Variants in FILIP1L observed in about 807,000 individuals in gnomAD.
The protein encoded by FILIP1L is filamin A interacting protein 1 like.
Under a neutral mutation model 96.6 loss-of-function variants are expected in FILIP1L, and 55 were observed. The ratio of observed to expected loss-of-function variants is 0.57; its 90% CI spans 0.46 to 0.71. The LOEUF is 0.71. FILIP1L is among the 30% of genes least tolerant of loss of function. The pLI is 0.00. For synonymous variants in FILIP1L, 467 were observed against 473.9 expected, an observed-to-expected ratio of 0.99 and a Z score of 0.19; for missense variants, 1,304 against 1,321.2, an observed-to-expected ratio of 0.99 and a Z score of 0.20.
At chr3:100,033,297 T>C (rs1213913121) in intron 1 of FILIP1L, among the ~76,000 whole-genome samples, 1 of 152,176 alleles carries the variant, frequency 6.6e-6, no homozygotes, top group Non-Finnish European at 1.5e-5. Context: ...TGTCTGAACT[T>C]GCCCTCAAAG....
chr3:100,088,388 A>C (rs1255718615), intron 1 of FILIP1L, among the ~76,000 whole-genome samples: 2 of 152,128 alleles, frequency 1.3e-5, no homozygotes, highest in Non-Finnish European at 2.9e-5. Flanking sequence ...AATGCAAATG[A>C]GTAAGTTATT....
intron 1 of FILIP1L, among the ~76,000 whole-genome samples, chr3:100,067,020 C>G (rs2065677564): frequency 6.6e-6 from 1 of 152,176 alleles, no homozygotes; most frequent in African/African-American, 2.4e-5. Context: ...ATTCCTCAGT[C>G]AAGTGTGCTT....
chr3:99,978,435 A>G (rs1401579817), intron 1 of FILIP1L, among the ~76,000 whole-genome samples: 1 of 152,254 alleles, frequency 6.6e-6, no homozygotes, highest in Admixed American at 6.5e-5. Flanking sequence ...TATCTACACA[A>G]TGGAATACTA....
intron 1 of FILIP1L, among the ~76,000 whole-genome samples, chr3:100,097,639 A>G (rs886915241): frequency 6.6e-6 from 1 of 152,212 alleles, no homozygotes; most frequent in African/African-American, 2.4e-5. Flanking sequence ...TTTTAAAGCC[A>G]TGTATTTGTG....
intron 4 of FILIP1L, among the ~76,000 whole-genome samples, chr3:99,915,726 A>G (rs1706930622): frequency 6.6e-6 from 1 of 152,166 alleles, no homozygotes; most frequent in Non-Finnish European, 1.5e-5. Flanking sequence ...ACACTAAAGG[A>G]AATAGGATAC....
intron 4 of FILIP1L, among the ~76,000 whole-genome samples, chr3:99,889,709 T>C (rs769895647): frequency 6.6e-6 from 1 of 152,058 alleles, no homozygotes; most frequent in African/African-American, 2.4e-5. Context: ...ATACATACTG[T>C]ATTCCTATTC....
chr3:99,861,605 A>G (rs1944258907), intron 4 of FILIP1L, among the ~76,000 whole-genome samples: 1 of 152,106 alleles, frequency 6.6e-6, no homozygotes, highest in African/African-American at 2.4e-5. Context: ...TGTTTGCCCA[A>G]GGTAGCCTTC....
intron 1 of FILIP1L, among the ~76,000 whole-genome samples, chr3:100,038,008 G>A (rs548582592): frequency 7.4e-5 from 11 of 149,218 alleles, no homozygotes; most frequent in Admixed American, 2.0e-4. Flanking sequence ...CAGGTGGAGT[G>A]CAGTGGCACA....
At chr3:100,070,545 A>G (rs968183085) in intron 1 of FILIP1L, among the ~76,000 whole-genome samples, 2 of 152,244 alleles carry the variant, frequency 1.3e-5, no homozygotes, top group African/African-American at 4.8e-5. Context: ...AAGTGGATGT[A>G]TGGGGTTGTA....
chr3:100,019,395 C>G (rs558588864), intron 1 of FILIP1L, among the ~76,000 whole-genome samples: 2 of 152,164 alleles, frequency 1.3e-5, no homozygotes, highest in South Asian at 4.1e-4. Context: ...AGTAACCTCT[C>G]AAACCTTACC....
chr3:99,884,936 T>A (rs1021102), intron 4 of FILIP1L, among the ~76,000 whole-genome samples: 40,345 of 152,104 alleles, frequency 0.27, 6,065 homozygotes, highest in Admixed American at 0.34. Flanking sequence ...TGACCACAAA[T>A]ATTATTTGCT....
chr3:99,894,937 A>C (rs981446425), intron 4 of FILIP1L, among the ~76,000 whole-genome samples: 2 of 152,202 alleles, frequency 1.3e-5, no homozygotes, highest in African/African-American at 2.4e-5. Context: ...TATGTGTTAC[A>C]CGAAACATGA....
At chr3:99,888,715 G>A (rs552276256) in intron 4 of FILIP1L, among the ~76,000 whole-genome samples, 160 of 152,114 alleles carry the variant, frequency 1.1e-3, no homozygotes, top group Non-Finnish European at 2.0e-3. Flanking sequence ...GTAGAGATAT[G>A]AACACTTTAT....
chr3:99,938,074 TGC>T (rs57534383), intron 1 of FILIP1L, among the ~76,000 whole-genome samples: 31,256 of 84,838 alleles, frequency 0.37, 3,343 homozygotes, highest in Middle Eastern at 0.44. Flanking sequence ...TGTGTGTGTG[TGC>T]GCGCGCGCGC....
At chr3:99,977,716 T>C (rs1709012297) in intron 1 of FILIP1L, among the ~76,000 whole-genome samples, 1 of 152,140 alleles carries the variant, frequency 6.6e-6, no homozygotes, top group Non-Finnish European at 1.5e-5. Flanking sequence ...AATAAGAGAA[T>C]GGAATCATTT....
At chr3:99,978,448 C>G (rs1709030552) in intron 1 of FILIP1L, among the ~76,000 whole-genome samples, 1 of 152,126 alleles carries the variant, frequency 6.6e-6, no homozygotes, top group Non-Finnish European at 1.5e-5. Flanking sequence ...GAATACTAGT[C>G]AGCCATAAAA....
intron 1 of FILIP1L, among the ~76,000 whole-genome samples, chr3:99,962,295 G>A (rs1474338605): frequency 6.6e-6 from 1 of 152,146 alleles, no homozygotes; most frequent in Non-Finnish European, 1.5e-5. Flanking sequence ...GGAAGATGAG[G>A]TCGCATGTGA....
chr3:100,043,465 A>G (rs2065236990), intron 1 of FILIP1L, among the ~76,000 whole-genome samples: 1 of 151,826 alleles, frequency 6.6e-6, no homozygotes. Context: ...TCACTTCTCT[A>G]TTTTTGACTA....
chr3:100,050,776 C>T (rs1485398285), intron 1 of FILIP1L, among the ~76,000 whole-genome samples: 1 of 152,164 alleles, frequency 6.6e-6, no homozygotes, highest in Non-Finnish European at 1.5e-5. Flanking sequence ...GTGATCCACC[C>T]ACCTTGACCT....
Sources: allele counts gnomAD v4.1 joint callset (sites outside exome capture counted in the v4.1 genomes callset), GRCh38; gene constraint gnomAD v4.1.1; transcripts MANE v1.5; gene names NCBI Gene and HGNC (gene_info 2026-07-23, HGNC 2026-07-21).